ARID3B: variants seen among roughly 807,000 people sequenced by gnomAD.
The protein encoded by ARID3B is AT-rich interactive domain-containing protein 3B.
In ARID3B, 10 loss-of-function variants were observed where a neutral mutation model predicts 51.9. The ratio of observed to expected loss-of-function variants is 0.19; its 90% CI spans 0.12 to 0.33. The LOEUF is 0.33. Among genes scored for constraint, ARID3B ranks in the 10% least tolerant of loss-of-function variants. The pLI, the probability that ARID3B is intolerant of heterozygous loss-of-function variation, is 1.00. For missense variants in ARID3B, 483 were observed against 716.3 expected (o/e 0.67, Z 3.72); for synonymous variants, 205 against 279.5 (o/e 0.73, Z 2.66).
At chr15:74,543,786 G>A (rs2061603224) in intron 1 of ARID3B, 74 bp from the exon 2 acceptor site, 1 of 1,038,562 alleles carries the variant, frequency 9.6e-7, no homozygotes, top group Admixed American at 2.6e-5. Context: ...CTGGAGAAAA[G>A]GAAACCTTTT....
At chr15:74,590,292 C>T (rs539431318) in intron 5 of ARID3B, among the ~76,000 whole-genome samples, 1 of 152,296 alleles carries the variant, frequency 6.6e-6, no homozygotes, top group Admixed American at 6.5e-5. Context: ...AATGAAGTCT[C>T]CATGGTTAAA....
intron 4 of ARID3B, among the ~76,000 whole-genome samples, chr15:74,579,362 G>T (rs905422065): frequency 3.3e-5 from 5 of 152,294 alleles, no homozygotes; most frequent in African/African-American, 9.6e-5. Flanking sequence ...GCAGTGCCCT[G>T]TGGGGGTGGA....
At position 74,547,422 on chromosome 15, in the gene ARID3B, A is replaced by G. The variant is rs548935763; in HGVS notation, c.552+2934A>G. Among the ~76,000 whole-genome samples, 73 of 152,226 alleles carry G rather than the reference A, an allele frequency of 4.8e-4. 1 individual carries two copies. Among genetic ancestry groups the G allele is most frequent in the African/African-American group, 1.7e-3 (71 of 41,530 alleles). On this transcript the variant is annotated intron_variant, in intron 2 of 8. Coordinates refer to ENST00000346246, the MANE Select transcript of ARID3B (RefSeq NM_006465.4). Reference sequence around the variant, plus strand: ...GGTCTCAAACTCCTGACCTCAAGTGATCCGCCCGTCCTGGCCTCCCAAAGT... The same window carrying G: ...GGTCTCAAACTCCTGACCTCAAGTGGTCCGCCCGTCCTGGCCTCCCAAAGT...
chr15:74,569,897 A>G (rs1169440766), intron 2 of ARID3B, among the ~76,000 whole-genome samples: 2 of 152,236 alleles, frequency 1.3e-5, no homozygotes, highest in African/African-American at 4.8e-5. Context: ...CATCAGCCCC[A>G]GCTGAATTGA....
rs1596265328 is a variant in ARID3B, at chr15:74,591,714, G to A, written c.1320G>A (p.Arg440=). 1 of 1,614,098 alleles carries A rather than the reference G, an allele frequency of 6.2e-7. No individual in the cohort carries two copies. The highest frequency in any genetic ancestry group is 8.5e-7 in the Non-Finnish European group (1 of 1,180,014). The part of the protein sequence containing the change: ...SGEPAEKKAS[R]LSEEEQRLVQ... ...AGCCTGCTGAGAAGAAGGCATCGAG[G>A]CTGTCTGAGGAGGAGCAGCGCCTGG... The change falls in exon 7 of 9, where the codon AGG becomes AGA. Residue 440 remains arginine, a synonymous_variant. Coordinates refer to ENST00000346246, the MANE Select transcript of ARID3B (RefSeq NM_006465.4). The surrounding 1 kb of genome is among the most constrained non-coding windows in gnomAD (Gnocchi z 5.8).
chr15:74,554,055 A>G (rs570169950), intron 2 of ARID3B, among the ~76,000 whole-genome samples: 1 of 151,686 alleles, frequency 6.6e-6, no homozygotes, highest in East Asian at 1.9e-4. Context: ...CGCTCAGGCT[A>G]GAGTGCAGTG....
Position 74,598,003 on chromosome 15 carries a change from G to T in ARID3B, c.*2229G>T, listed in dbSNP as rs1230938229. On this transcript the variant is annotated 3_prime_UTR_variant, in exon 9 of 9. Transcript: ENST00000346246. ...AACCAGGAAAAATGTGATAGCACAT[G>T]GGTAGCCTAGGCAGTGAGTAAATAC... 1.9e-6 allele frequency: 1 copy of T among 531,664 alleles called. No homozygotes were observed. The highest frequency in any genetic ancestry group is 1.5e-5 in the South Asian group (1 of 65,238). 32.9% of individuals were successfully genotyped at this position (531,664 alleles called of 1,614,324 possible).
intron 4 of ARID3B, among the ~76,000 whole-genome samples, chr15:74,579,313 C>T (rs1033359643): frequency 6.6e-6 from 1 of 152,164 alleles, no homozygotes; most frequent in Non-Finnish European, 1.5e-5. Context: ...GAGCAACCTG[C>T]GCATAAAGAA....
intron 4 of ARID3B, among the ~76,000 whole-genome samples, chr15:74,584,810 G>T (rs927837102): frequency 6.6e-6 from 1 of 152,216 alleles, no homozygotes; most frequent in Admixed American, 6.5e-5. Context: ...GCCTGCTAGT[G>T]CCAGCGCCCA....
chr15:74,589,393 T>C (rs2061795004), intron 4 of ARID3B, among the ~76,000 whole-genome samples: 1 of 151,958 alleles, frequency 6.6e-6, no homozygotes, highest in African/African-American at 2.4e-5. Context: ...GGGCTCCCCT[T>C]CTAGGAAGTC....
rs554654473 is a variant in ARID3B at position 74,572,773 on chromosome 15, C to T, written c.553-89C>T. ...GGATAGCACAATTGCTAAGCATCTT[C>T]ATCTTTGCCCTAAATGATTGCCTTG... On this transcript the variant is annotated intron_variant, in intron 2 of 8. Coordinates refer to ENST00000346246, the MANE Select transcript of ARID3B (RefSeq NM_006465.4). 2.4e-6 allele frequency: 3 copies of T among 1,268,696 alleles called. No homozygotes were observed. In the East Asian group the frequency reaches 7.0e-5, roughly 29 times the overall value. The allele number at this position is 1,268,696 out of a possible 1,614,324, so 78.6% of individuals were successfully genotyped here.
In ARID3B at chr15:74,590,015, G is replaced by T. The variant is rs1319254294; in HGVS notation, c.881+12G>T. On this transcript the variant is annotated intron_variant, in intron 5 of 8. Transcript: ENST00000346246. ...ACCCTCAGGACGCAGTGAGTGGCCAGGGCCTGGGAGAAGGAAGCTGAGGCT... is the reference window on the plus strand; with the variant it reads ...ACCCTCAGGACGCAGTGAGTGGCCATGGCCTGGGAGAAGGAAGCTGAGGCT... 1 of 1,592,858 alleles carries T rather than the reference G, an allele frequency of 6.3e-7. No homozygotes were observed. Among genetic ancestry groups the T allele is most frequent in the African/African-American group, 1.3e-5 (1 of 74,418 alleles).
Position 74,591,735 on chromosome 15 carries a change from C to T in ARID3B, c.1341C>T (p.Arg447=). 1 of 1,614,218 alleles carries T rather than the reference C, an allele frequency of 6.2e-7. No individual in the cohort carries two copies. The highest frequency in any genetic ancestry group is 1.1e-5 in the South Asian group (1 of 91,084). The change falls in exon 7 of 9, where the codon CGC becomes CGT. Residue 447 remains arginine, a synonymous_variant. Transcript: ENST00000346246. The surrounding 1 kb of genome is among the most constrained non-coding windows in gnomAD (Gnocchi z 5.8). The part of the protein sequence containing the change: ...KASRLSEEEQ[R]LVQQAFQRNF... ...CGAGGCTGTCTGAGGAGGAGCAGCG[C>T]CTGGTGCAGCAGGCCTTCCAGCGCA...
rs901746605 is a variant in ARID3B, at chr15:74,597,681, C to G, written c.*1907C>G. On this transcript the variant is annotated 3_prime_UTR_variant, in exon 9 of 9. Transcript: ENST00000346246. ...TCAGACATTTGGCCAGTATGTCTTTCTCAGGGGTTTGGTCACAAAGGATGG... is the reference window on the plus strand; with the variant it reads ...TCAGACATTTGGCCAGTATGTCTTTGTCAGGGGTTTGGTCACAAAGGATGG... 2.1e-5 allele frequency: 11 copies of G among 519,270 alleles called. No homozygotes were observed. Among genetic ancestry groups the G allele is most frequent in the Non-Finnish European group, 4.1e-5 (11 of 268,214 alleles). 32.2% of individuals were successfully genotyped at this position (519,270 alleles called of 1,614,324 possible). A position where few individuals can be genotyped will look rare whatever the true frequency, so the allele number is the denominator to read the frequency against.
chr15:74,594,204 T>C (rs902658347), intron 8 of ARID3B, among the ~76,000 whole-genome samples: 42 of 152,174 alleles, frequency 2.8e-4, no homozygotes, highest in African/African-American at 1.0e-3. Context: ...ATCCCAGCAT[T>C]TTGGGAGGCC....
At chr15:74,547,427 C>T (rs995489955) in intron 2 of ARID3B, among the ~76,000 whole-genome samples, 5 of 152,294 alleles carry the variant, frequency 3.3e-5, no homozygotes, top group African/African-American at 1.2e-4. Flanking sequence ...AAGTGATCCG[C>T]CCGTCCTGGC....
chr15:74,574,673 C>T (rs1219210749), intron 4 of ARID3B: 2 of 152,146 alleles, frequency 1.3e-5, no homozygotes, highest in African/African-American at 4.8e-5. Context: ...TTTGCTCCTC[C>T]AGCTGTTACC....
intron 2 of ARID3B, among the ~76,000 whole-genome samples, chr15:74,568,438 C>G (rs942841124): frequency 3.9e-5 from 6 of 152,212 alleles, no homozygotes; most frequent in African/African-American, 1.2e-4. Context: ...GGCACTGTCA[C>G]TAAGAAGCTC....
chr15:74,546,488 G>A (rs1567114791), intron 2 of ARID3B, among the ~76,000 whole-genome samples: 1 of 152,206 alleles, frequency 6.6e-6, no homozygotes, highest in African/African-American at 2.4e-5. Flanking sequence ...AGGTGTTGAG[G>A]TCAAGCCATT....
Sources: gnomAD v4.1 joint callset for allele counts (sites outside exome capture counted in the v4.1 genomes callset) on GRCh38, gnomAD v4.1.1 for gene constraint, Gnocchi (gnomAD v3.1) non-coding constraint, MANE v1.5 for transcripts, NCBI Gene and HGNC (gene_info 2026-07-23, HGNC 2026-07-21) for gene names.